Variants in TSPAN32 observed in about 807,000 individuals in gnomAD.
TSPAN32 encodes tetraspanin 32.
Under a neutral mutation model 42.7 loss-of-function variants are expected in TSPAN32, and 47 were observed. The observed-to-expected ratio is 1.10, with a 90% CI of 0.87 to 1.40. TSPAN32 has a LOEUF of 1.40. Ranked by LOEUF, TSPAN32 falls within the 40% of genes most tolerant of loss-of-function variation. The pLI is 0.00. For missense variants in TSPAN32, 469 were observed against 424.1 expected, an observed-to-expected ratio of 1.11 and a Z score of -0.93; for synonymous variants, 175 against 175.9, an observed-to-expected ratio of 0.99 and a Z score of 0.04.
At chr11:2,310,321 G>A (rs571677178) in intron 4 of TSPAN32, among the ~76,000 whole-genome samples, 31 of 152,316 alleles carry the variant, frequency 2.0e-4, no homozygotes, top group Middle Eastern at 6.8e-3. Flanking sequence ...GCTGGGGCCT[G>A]CTCTCCAGGA....
At position 2,316,229 on chromosome 11, in the gene TSPAN32, G is replaced by T. The variant is rs1455602127; in HGVS notation, c.544G>T (p.Asp182Tyr). Residue 182 changes from aspartate to tyrosine, a missense_variant and splice_region_variant, in exon 7 of 10, where the codon GAC becomes TAC. Coordinates refer to ENST00000182290, the MANE Select transcript of TSPAN32 (RefSeq NM_139022.3). ...LCQGEEAARE[D>Y]CLQGIRSFLR... is the part of the protein sequence containing the mutation. ...TACCATGCCTGCTGCCCTCTCACAG[G>T]ACTGCCTTCAGGGCATCCGGAGCTT... 2 of 1,577,910 alleles carry T rather than the reference G, an allele frequency of 1.3e-6. No homozygotes were observed. Among genetic ancestry groups the T allele is most frequent in the South Asian group, 1.2e-5 (1 of 85,346 alleles).
intron 4 of TSPAN32, among the ~76,000 whole-genome samples, chr11:2,312,047 GCAGGCAGGGCAGGCAGAGC>G (rs377377630): frequency 2.7e-5 from 4 of 149,132 alleles, no homozygotes; most frequent in Non-Finnish European, 4.5e-5. Context: ...GGCAGGCAGG[GCAGGCAGGGCAGGCAGAGC>G]CAGGCAGGGC....
intron 4 of TSPAN32, chr11:2,309,524 G>T (rs1216298894): frequency 5.5e-6 from 2 of 365,280 alleles, no homozygotes; most frequent in Admixed American, 3.0e-5. Context: ...AGAGCCCCCA[G>T]GGCAGCCGGG....
Position 2,313,937 on chromosome 11 carries a change from A to G in TSPAN32, c.456+182A>G, listed in dbSNP as rs527445424. On this transcript the variant is annotated intron_variant, in intron 5 of 9. Coordinates refer to ENST00000182290, the MANE Select transcript of TSPAN32 (RefSeq NM_139022.3). This position sits in a 1 kb window ranked among gnomAD's most constrained non-coding sequence, Gnocchi z 9.1. ...CTCCCACCCTCTGTCTGCCCAGGAC[A>G]AGGCCGCCTACCAGATTCTCGAGGC... Among the ~76,000 whole-genome samples, 3 of 152,224 alleles carry G rather than the reference A, an allele frequency of 2.0e-5. No homozygotes were observed. Among genetic ancestry groups the G allele is most frequent in the East Asian group, 1.9e-4 (1 of 5,158 alleles).
chr11:2,314,248 A>T (rs1468837886), intron 5 of TSPAN32, among the ~76,000 whole-genome samples: 1 of 152,038 alleles, frequency 6.6e-6, no homozygotes, highest in Non-Finnish European at 1.5e-5. Flanking sequence ...GCCTGGCTCC[A>T]GCAGGTGTTC....
intron 3 of TSPAN32, among the ~76,000 whole-genome samples, chr11:2,308,228 G>A (rs1194603735): frequency 2.6e-5 from 4 of 152,094 alleles, no homozygotes; most frequent in African/African-American, 4.8e-5. Flanking sequence ...TGGAACCCAC[G>A]CACCCAGCGC....
At position 2,312,879 on chromosome 11, in the gene TSPAN32, C is replaced by T. The variant is rs540122402; in HGVS notation, c.355-775C>T. Among the ~76,000 whole-genome samples, 128 of 152,296 alleles carry T rather than the reference C, an allele frequency of 8.4e-4. 1 individual carries two copies. In the South Asian group the frequency reaches 0.022, roughly 27 times the overall value. On this transcript the variant is annotated intron_variant, in intron 4 of 9. Transcript: ENST00000182290. ...AGGGCAGGGACCTCAAAGAGGGCCT[C>T]GCCCTGTGCCAGGAGACCAGCGACT...
chr11:2,304,348 C>A lies in TSPAN32; in HGVS notation c.279+144C>A. The stretch of plus-strand genomic sequence containing the variant: ...CAGGGATGCTGGCCAGCCGAGACCC[C>A]CACGTCAACCCCACACCTGAGTATC... On this transcript the variant is annotated intron_variant, in intron 3 of 9. Coordinates refer to ENST00000182290, the MANE Select transcript of TSPAN32 (RefSeq NM_139022.3). The surrounding 1 kb of genome is among the most constrained non-coding windows in gnomAD (Gnocchi z 4.8). The A allele has an allele frequency of 1.6e-6, 1 of 612,842 alleles. No individual in the cohort carries two copies. The highest frequency in any genetic ancestry group is 3.1e-5 in the Admixed American group (1 of 32,404). The allele number at this position is 612,842 out of a possible 1,614,324, so 38.0% of individuals were successfully genotyped here.
At chr11:2,310,436 C>T (rs527511914) in intron 4 of TSPAN32, among the ~76,000 whole-genome samples, 6 of 152,158 alleles carry the variant, frequency 3.9e-5, no homozygotes, top group Non-Finnish European at 8.8e-5. Flanking sequence ...CTGGCCCGTG[C>T]GCCCAGCTGC....
chr11:2,316,323 G>T lies in TSPAN32; in HGVS notation c.627+11G>T. ...GGCCTGGCCCTCACGGTACCCTCTC[G>T]CCTCCCTCACTGCCCCTTCCCACCT... On this transcript the variant is annotated intron_variant, in intron 7 of 9. Transcript: ENST00000182290. 6.3e-7 allele frequency: 1 copy of T among 1,588,434 alleles called. No homozygotes were observed. Among genetic ancestry groups the T allele is most frequent in the Non-Finnish European group, 8.5e-7 (1 of 1,171,136 alleles).
intron 6 of TSPAN32, chr11:2,316,020 A>G: frequency 2.6e-6 from 4 of 1,534,414 alleles, no homozygotes; most frequent in Middle Eastern, 3.4e-4. Flanking sequence ...GAGTGCCCAC[A>G]GAGGCCAGCC....
At chr11:2,305,376 C>CG (rs1554938624) in intron 3 of TSPAN32, among the ~76,000 whole-genome samples, 2,741 of 150,430 alleles carry the variant, frequency 0.018, 131 homozygotes, top group African/African-American at 0.064. Flanking sequence ...GTCTGCCCCC[C>CG]CCCCCAGAGG....
At chr11:2,303,891 G>A (rs1314788808) in intron 2 of TSPAN32, among the ~76,000 whole-genome samples, 1 of 152,136 alleles carries the variant, frequency 6.6e-6, no homozygotes, top group African/African-American at 2.4e-5. Context: ...AGGGCAGGGA[G>A]GAAAAGAGGG....
intron 6 of TSPAN32, 62 bp from the exon 7 acceptor site, chr11:2,316,167 G>T (rs774997166): frequency 2.3e-5 from 35 of 1,513,276 alleles, no homozygotes; most frequent in Non-Finnish European, 3.1e-5. Flanking sequence ...CCCCACAGAG[G>T]CCGCTTGTCC....
Position 2,313,859 on chromosome 11 carries a change from AG to A in TSPAN32, c.456+109del. 1.1e-6 allele frequency: 1 copy of A among 907,966 alleles called. No individual in the cohort carries two copies. Among genetic ancestry groups the A allele is most frequent in the East Asian group, 2.7e-5 (1 of 37,294 alleles). The allele number at this position is 907,966 out of a possible 1,614,324, so 56.2% of individuals were successfully genotyped here. ...CAGTGAGAGGTCTGGCCAGGCACCGAGGGGGTTCCAGGACACAGGCCAGAGT... is the reference window on the plus strand; with the variant it reads ...CAGTGAGAGGTCTGGCCAGGCACCGAGGGGTTCCAGGACACAGGCCAGAGT... On this transcript the variant is annotated intron_variant, in intron 5 of 9. Transcript: ENST00000182290. The surrounding 1 kb of genome is among the most constrained non-coding windows in gnomAD (Gnocchi z 9.1).
At position 2,313,596 on chromosome 11, in the gene TSPAN32, G is replaced by T. The variant is rs534884240; in HGVS notation, c.355-58G>T. The stretch of plus-strand genomic sequence containing the variant: ...AGCGTTTGGGATGTCGTGGGGAGGG[G>T]GCTGTGTCCCCGGATCTCCCACCAG... On this transcript the variant is annotated intron_variant, in intron 4 of 9. Coordinates refer to ENST00000182290, the MANE Select transcript of TSPAN32 (RefSeq NM_139022.3). The surrounding 1 kb of genome is among the most constrained non-coding windows in gnomAD (Gnocchi z 9.1). The T allele has an allele frequency of 1.1e-4, 158 of 1,391,510 alleles. 1 individual carries two copies. Among genetic ancestry groups the T allele is most frequent in the Non-Finnish European group, 1.5e-4 (155 of 1,005,696 alleles). 86.2% of individuals were successfully genotyped at this position (1,391,510 alleles called of 1,614,324 possible). A position where few individuals can be genotyped will look rare whatever the true frequency, so the allele number is the denominator to read the frequency against.
At position 2,302,022 on chromosome 11, in the gene TSPAN32, T is replaced by C. The variant is rs779543727; in HGVS notation, c.-128T>C. On this transcript the variant is annotated 5_prime_UTR_variant, in exon 1 of 10. Coordinates refer to ENST00000182290, the MANE Select transcript of TSPAN32 (RefSeq NM_139022.3). ...CCAGCAGCTCGGTCCTAGGGCGATG[T>C]TGACAGACAGACAGAGGGGCGGATG... 56 of 1,492,366 alleles carry C rather than the reference T, an allele frequency of 3.8e-5. No individual in the cohort carries two copies. The highest frequency in any genetic ancestry group is 4.9e-5 in the Non-Finnish European group (55 of 1,125,820). The allele number at this position is 1,492,366 out of a possible 1,614,324, so 92.4% of individuals were successfully genotyped here.
chr11:2,317,276 T>C lies in TSPAN32; in HGVS notation c.720-68T>C. Reference sequence around the variant, plus strand: ...AGCCCCATGATCCCCTCTAGAACATTCCACAATAGCCTCACAGGTCCCCTG... The same window carrying C: ...AGCCCCATGATCCCCTCTAGAACATCCCACAATAGCCTCACAGGTCCCCTG... On this transcript the variant is annotated intron_variant, in intron 8 of 9. Coordinates refer to ENST00000182290, the MANE Select transcript of TSPAN32 (RefSeq NM_139022.3). The surrounding 1 kb of genome is among the most constrained non-coding windows in gnomAD (Gnocchi z 6.2). 1 of 1,313,124 alleles carries C rather than the reference T, an allele frequency of 7.6e-7. No individual in the cohort carries two copies. The highest frequency in any genetic ancestry group is 1.1e-6 in the Non-Finnish European group (1 of 940,328). 81.3% of individuals were successfully genotyped at this position (1,313,124 alleles called of 1,614,324 possible). A position where few individuals can be genotyped will look rare whatever the true frequency, so the allele number is the denominator to read the frequency against.
intron 2 of TSPAN32, chr11:2,303,531 G>C (rs79927484): frequency 3.0e-4 from 51 of 168,126 alleles, no homozygotes; most frequent in South Asian, 5.8e-4. Context: ...AGCCAGATCT[G>C]CAGGGGACTC....
Sources: gnomAD v4.1 joint callset for allele counts (sites outside exome capture counted in the v4.1 genomes callset) on GRCh38, gnomAD v4.1.1 for gene constraint, Gnocchi (gnomAD v3.1) non-coding constraint, MANE v1.5 for transcripts, NCBI Gene and HGNC (gene_info 2026-07-23, HGNC 2026-07-21) for gene names.